FRAS1: variants seen among roughly 807,000 people sequenced by gnomAD.
FRAS1 encodes extracellular matrix organizing protein FRAS1.
FRAS1 carries 290 observed loss-of-function variants against 435.2 expected under a neutral mutation model. The ratio of observed to expected loss-of-function variants is 0.67; its 90% confidence interval spans 0.61 to 0.73. The LOEUF is 0.73. Among genes scored for constraint, FRAS1 ranks in the 30% least tolerant of loss-of-function variants. The probability of loss-of-function intolerance (pLI) is 0.00; values close to 1 mark genes in which losing one functional copy is unlikely to be tolerated. For synonymous variants in FRAS1, 1,800 were observed against 1,851.0 expected, an observed-to-expected ratio of 0.97 and a Z score of 0.71; for missense variants, 4,860 against 5,001.5, an observed-to-expected ratio of 0.97 and a Z score of 0.85.
At chr4:78,369,722 A>G (rs1731422570) in intron 22 of FRAS1, 116 bp from the exon 23 acceptor site, 1 of 807,786 alleles carries the variant, frequency 1.2e-6, no homozygotes, top group Non-Finnish European at 1.8e-6. Flanking sequence ...CCATAATGAA[A>G]TGTAGAGCAG....
At chr4:78,425,179 A>G (rs1226236767) in intron 35 of FRAS1, among the ~76,000 whole-genome samples, 3 of 152,044 alleles carry the variant, frequency 2.0e-5, no homozygotes, top group African/African-American at 7.2e-5. Flanking sequence ...TTACTATATT[A>G]TACTTAGCTA....
At position 78,461,371 on chromosome 4, in the gene FRAS1, G is replaced by A. The variant is rs368715404; in HGVS notation, c.6764-2650G>A. ...CTAGCAGGCATAAACTTTGAAATTA[G>A]ACCGCCTCGGGTTTCAATTTCATCA... On this transcript the variant is annotated intron_variant, in intron 47 of 73. Coordinates refer to ENST00000512123, the MANE Select transcript of FRAS1 (RefSeq NM_025074.7). Among the ~76,000 whole-genome samples, 344 of 152,278 alleles carry A rather than the reference G, an allele frequency of 2.3e-3. 1 individual carries two copies. Among genetic ancestry groups the A allele is most frequent in the African/African-American group, 8.0e-3 (333 of 41,550 alleles).
At chr4:78,333,499 C>A in intron 19 of FRAS1, 87 bp downstream of exon 19, 2 of 1,349,568 alleles carry the variant, frequency 1.5e-6, no homozygotes, top group Non-Finnish European at 2.0e-6. Context: ...GAAACCTTGT[C>A]ATACCGGGGA....
chr4:78,252,626 A>G, intron 5 of FRAS1, 75 bp downstream of exon 5: 1 of 1,291,404 alleles, frequency 7.7e-7, no homozygotes, highest in Non-Finnish European at 1.1e-6. Context: ...CCAGCCCTCA[A>G]TATTTCAACA....
intron 3 of FRAS1, among the ~76,000 whole-genome samples, chr4:78,243,122 C>G (rs6816366): frequency 0.24 from 37,156 of 152,048 alleles, 5,308 homozygotes; most frequent in Non-Finnish European, 0.33. Context: ...AAGGTTTTGG[C>G]TGCAAACCTC....
intron 2 of FRAS1, among the ~76,000 whole-genome samples, chr4:78,165,308 G>A (rs1453919238): frequency 6.6e-6 from 1 of 152,172 alleles, no homozygotes; most frequent in Non-Finnish European, 1.5e-5. Flanking sequence ...AAGGTCGAAC[G>A]AATTTACATC....
At chr4:78,508,606 C>A in intron 62 of FRAS1, 125 bp from the exon 63 acceptor site, 9 of 943,902 alleles carry the variant, frequency 9.5e-6, no homozygotes, top group South Asian at 5.0e-5. Context: ...ATAAAAACTT[C>A]TCCTGTTATA....
At chr4:78,519,859 T>C (rs996223645) in intron 67 of FRAS1, among the ~76,000 whole-genome samples, 3 of 152,230 alleles carry the variant, frequency 2.0e-5, no homozygotes, top group Non-Finnish European at 4.4e-5. Flanking sequence ...TCAAATCAGA[T>C]GCAAGGAAAT....
chr4:78,459,656 A>G (rs1194482726), intron 47 of FRAS1, among the ~76,000 whole-genome samples: 1 of 152,234 alleles, frequency 6.6e-6, no homozygotes, highest in Non-Finnish European at 1.5e-5. Context: ...TGCTAGGGCT[A>G]CCATTAAAAA....
chr4:78,422,578 G>A (rs1176557655), intron 34 of FRAS1, among the ~76,000 whole-genome samples: 1 of 101,258 alleles, frequency 9.9e-6, no homozygotes, highest in Non-Finnish European at 2.4e-5. Flanking sequence ...GCCTGGGGAA[G>A]GAGAGAATGT....
chr4:78,537,321 GTGT>G, intron 72 of FRAS1, 121 bp downstream of exon 72: 2 of 951,368 alleles, frequency 2.1e-6, no homozygotes, highest in Non-Finnish European at 3.1e-6. Context: ...ATATATGTTT[GTGT>G]TGTTGTTTCT....
intron 27 of FRAS1, among the ~76,000 whole-genome samples, 173 bp downstream of exon 27, chr4:78,380,169 C>T (rs1419218251): frequency 6.6e-6 from 1 of 152,174 alleles, no homozygotes; most frequent in East Asian, 1.9e-4. Context: ...CCTGTGATTG[C>T]TCAAAGAGCG....
chr4:78,103,832 T>C (rs1282838642), intron 2 of FRAS1, among the ~76,000 whole-genome samples: 1 of 152,222 alleles, frequency 6.6e-6, no homozygotes, highest in Non-Finnish European at 1.5e-5. Context: ...TTCTATTGTT[T>C]ATAAGCTACC....
intron 29 of FRAS1, among the ~76,000 whole-genome samples, chr4:78,389,810 G>A (rs959381812): frequency 1.3e-5 from 2 of 152,130 alleles, no homozygotes; most frequent in Non-Finnish European, 2.9e-5. Flanking sequence ...CATTTCTAGG[G>A]TTTTAGCTGC....
At chr4:78,386,179 GA>G (rs2110328230) in intron 28 of FRAS1, among the ~76,000 whole-genome samples, 1 of 152,162 alleles carries the variant, frequency 6.6e-6, no homozygotes, top group East Asian at 1.9e-4. Flanking sequence ...TATTATATGA[GA>G]AACTTTTATC....
rs538429615 is a variant in FRAS1, at chr4:78,236,875, C to G, written c.109-635C>G. 6.6e-5 allele frequency among the ~76,000 whole-genome samples: 10 copies of G among 152,170 alleles called. No homozygotes were observed. The South Asian group carries it at 1.9e-3, about 28-fold the overall frequency. ...ATTTAATTCTCTCATGTTCATGACC[C>G]CAAATAATTTGTGAGATCCTTATGG... On this transcript the variant is annotated intron_variant, in intron 2 of 73. Coordinates refer to ENST00000512123, the MANE Select transcript of FRAS1 (RefSeq NM_025074.7).
intron 68 of FRAS1, among the ~76,000 whole-genome samples, 166 bp downstream of exon 68, chr4:78,521,796 C>A (rs1287228777): frequency 6.6e-6 from 1 of 152,054 alleles, no homozygotes; most frequent in African/African-American, 2.4e-5. Context: ...TTTGTCACAC[C>A]GTTCAGAAAC....
intron 61 of FRAS1, among the ~76,000 whole-genome samples, chr4:78,502,097 A>G (rs1284502159): frequency 1.3e-5 from 2 of 152,178 alleles, no homozygotes; most frequent in South Asian, 4.1e-4. Flanking sequence ...TGGTACCAGT[A>G]CCATGCTGTT....
At chr4:78,253,256 C>T (rs1725632108) in intron 5 of FRAS1, among the ~76,000 whole-genome samples, 1 of 152,130 alleles carries the variant, frequency 6.6e-6, no homozygotes, top group Non-Finnish European at 1.5e-5. Flanking sequence ...GGCAGTCAGA[C>T]CTTATGGTTA....
Sources: allele counts gnomAD v4.1 joint callset (sites outside exome capture counted in the v4.1 genomes callset), GRCh38; gene constraint gnomAD v4.1.1; transcripts MANE v1.5; gene names NCBI Gene and HGNC (gene_info 2026-07-23, HGNC 2026-07-21).